NEMP2: variants seen among roughly 807,000 people sequenced by gnomAD.
NEMP2 encodes UPF0571 transmembrane protein.
Under a neutral mutation model 54.2 loss-of-function variants are expected in NEMP2, and 53 were observed. That is an observed-to-expected ratio of 0.98 (90% CI 0.78 to 1.23). The LOEUF (loss-of-function observed/expected upper bound fraction) is 1.23, where lower values mean the gene tolerates loss of function less well. Ranked by LOEUF, NEMP2 falls within the 50% of genes most tolerant of loss-of-function variation. NEMP2 has a pLI of 0.00. For missense variants in NEMP2, 455 were observed against 511.3 expected, an observed-to-expected ratio of 0.89 and a Z score of 1.06; for synonymous variants, 197 against 190.3, an observed-to-expected ratio of 1.04 and a Z score of -0.29.
At chr2:190,628,028 C>G in the NEMP2 span, 1 of 152,378 alleles carries the variant, frequency 6.6e-6, no homozygotes, top group Non-Finnish European at 1.5e-5. This position sits in a 1 kb window ranked among gnomAD's most constrained non-coding sequence, Gnocchi z 4.1. Context: ...AGCAGCCCCC[C>G]GCAGTCCCTC....
the NEMP2 span, among the ~76,000 whole-genome samples, chr2:190,646,467 T>A: frequency 6.6e-6 from 1 of 152,248 alleles, no homozygotes; most frequent in Non-Finnish European, 1.5e-5. Flanking sequence ...ATGCTTCAGT[T>A]CTTTTTGAGC....
chr2:190,595,668 T>G, the NEMP2 span, among the ~76,000 whole-genome samples: 1 of 152,150 alleles, frequency 6.6e-6, no homozygotes, highest in African/African-American at 2.4e-5. The surrounding 1 kb of genome is among the most constrained non-coding windows in gnomAD (Gnocchi z 4.0). Context: ...TCACTGGTCA[T>G]TAGAGAAACG....
At chr2:190,614,634 G>GT in the NEMP2 span, among the ~76,000 whole-genome samples, 1 of 152,156 alleles carries the variant, frequency 6.6e-6, no homozygotes. This position sits in a 1 kb window ranked among gnomAD's most constrained non-coding sequence, Gnocchi z 5.7. Flanking sequence ...TCAAGTTTAC[G>GT]TGATATGAAA....
chr2:190,515,594 T>C (rs1432897702), intron 6 of NEMP2, among the ~76,000 whole-genome samples: 1 of 152,186 alleles, frequency 6.6e-6, no homozygotes, highest in Non-Finnish European at 1.5e-5. Context: ...GAGCATACCA[T>C]GGTATCTGTA....
the NEMP2 span, among the ~76,000 whole-genome samples, chr2:190,573,309 C>T: frequency 1.8e-4 from 27 of 152,116 alleles, 1 homozygote; most frequent in Non-Finnish European, 1.5e-5. Context: ...TCTGTTTTCC[C>T]ATCTTCTATG....
chr2:190,474,535 A>C, the NEMP2 span, among the ~76,000 whole-genome samples: 6 of 152,248 alleles, frequency 3.9e-5, no homozygotes, highest in Non-Finnish European at 1.5e-5. Flanking sequence ...GAATCTCTGA[A>C]TAGACCAATA....
the NEMP2 span, chr2:190,436,466 A>C: frequency 6.2e-7 from 1 of 1,614,164 alleles, no homozygotes; most frequent in South Asian, 1.1e-5. This position sits in a 1 kb window ranked among gnomAD's most constrained non-coding sequence, Gnocchi z 5.3. Flanking sequence ...GTTTTATTCA[A>C]CCTGGGCATT....
Position 190,522,025 on chromosome 2 carries a change from T to G in NEMP2, c.214-2842A>C, listed in dbSNP as rs1690767967. 6.6e-6 allele frequency among the ~76,000 whole-genome samples: 1 copy of G among 152,152 alleles called. No homozygotes were observed. The highest frequency in any genetic ancestry group is 1.5e-5 in the Non-Finnish European group (1 of 68,024). ...TTTGCAAAAAAAGACACAGGAAAGA[T>G]ATACCAGAAACTACTTAAACTGATT... On this transcript the variant is annotated intron_variant, in intron 2 of 8. Transcript: ENST00000409150. The surrounding 1 kb of genome is among the most constrained non-coding windows in gnomAD (Gnocchi z 5.0).
At chr2:190,472,252 T>G in the NEMP2 span, among the ~76,000 whole-genome samples, 1 of 152,108 alleles carries the variant, frequency 6.6e-6, no homozygotes, top group Non-Finnish European at 1.5e-5. Flanking sequence ...ATGACTTTGA[T>G]GAGTTGAGAG....
chr2:190,620,116 C>T, the NEMP2 span, among the ~76,000 whole-genome samples: 1 of 152,194 alleles, frequency 6.6e-6, no homozygotes, highest in African/African-American at 2.4e-5. The surrounding 1 kb of genome is among the most constrained non-coding windows in gnomAD (Gnocchi z 4.9). Context: ...GGGAACTAAG[C>T]TCTCAGTTGG....
At chr2:190,532,640 AGTGT>A (rs1691187006) in intron 1 of NEMP2, among the ~76,000 whole-genome samples, 1 of 152,184 alleles carries the variant, frequency 6.6e-6, no homozygotes, top group Non-Finnish European at 1.5e-5. Context: ...ATTCCATTGA[AGTGT>A]GTGTTATTCA....
At chr2:190,573,875 A>G in the NEMP2 span, among the ~76,000 whole-genome samples, 36 of 152,170 alleles carry the variant, frequency 2.4e-4, 1 homozygote, top group African/African-American at 7.2e-4. Context: ...TATTCATTCA[A>G]TGCCTTCCAT....
the NEMP2 span, among the ~76,000 whole-genome samples, chr2:190,463,456 C>G: frequency 1.3e-4 from 20 of 152,198 alleles, no homozygotes; most frequent in Non-Finnish European, 1.9e-4. The surrounding 1 kb of genome is among the most constrained non-coding windows in gnomAD (Gnocchi z 4.4). Context: ...ACTCTGCCTA[C>G]TCTAGGAAGA....
chr2:190,544,465 G>A, the NEMP2 span, among the ~76,000 whole-genome samples: 4 of 152,160 alleles, frequency 2.6e-5, no homozygotes, highest in South Asian at 8.3e-4. Flanking sequence ...TGAGAGATGT[G>A]GAATTTTTTT....
At chr2:190,427,137 TG>T in the NEMP2 span, among the ~76,000 whole-genome samples, 1 of 152,324 alleles carries the variant, frequency 6.6e-6, no homozygotes, top group Admixed American at 6.5e-5. Flanking sequence ...ATCACCCCAG[TG>T]GGGAAAGGTA....
At chr2:190,547,644 A>G in the NEMP2 span, among the ~76,000 whole-genome samples, 1 of 151,928 alleles carries the variant, frequency 6.6e-6, no homozygotes, top group Non-Finnish European at 1.5e-5. The surrounding 1 kb of genome is among the most constrained non-coding windows in gnomAD (Gnocchi z 6.2). Context: ...TCGTGCTTCA[A>G]CCTCCTGAGT....
the NEMP2 span, among the ~76,000 whole-genome samples, chr2:190,578,088 TTA>T: frequency 6.6e-6 from 1 of 152,334 alleles, no homozygotes; most frequent in Non-Finnish European, 1.5e-5. The surrounding 1 kb of genome is among the most constrained non-coding windows in gnomAD (Gnocchi z 4.4). Context: ...TCATTGTCCT[TTA>T]TATCTTCTGT....
the NEMP2 span, among the ~76,000 whole-genome samples, chr2:190,499,000 T>C: frequency 6.6e-6 from 1 of 151,530 alleles, no homozygotes; most frequent in Non-Finnish European, 1.5e-5. This position sits in a 1 kb window ranked among gnomAD's most constrained non-coding sequence, Gnocchi z 5.9. Flanking sequence ...ATATAAAAAT[T>C]AGCTGGGCAT....
rs1322898855 is a variant in NEMP2 at position 190,522,586 on chromosome 2, C to T, written c.213+2677G>A. ...AATTGGTTCAGGCTATGCCAGGAAG[C>T]AGGGGTTGGACATGCCCCATTATGC... is the stretch of plus-strand genomic sequence containing the variant. On this transcript the variant is annotated intron_variant, in intron 2 of 8. Coordinates refer to ENST00000409150, the MANE Select transcript of NEMP2 (RefSeq NM_001142645.2). This position sits in a 1 kb window ranked among gnomAD's most constrained non-coding sequence, Gnocchi z 5.0. Among the ~76,000 whole-genome samples the T allele has an allele frequency of 6.6e-6, 1 of 152,130 alleles. No homozygotes were observed. Among genetic ancestry groups the T allele is most frequent in the Non-Finnish European group, 1.5e-5 (1 of 68,024 alleles).
Sources: allele counts gnomAD v4.1 joint callset (sites outside exome capture counted in the v4.1 genomes callset), GRCh38; gene constraint gnomAD v4.1.1; non-coding constraint Gnocchi (gnomAD v3.1); transcripts MANE v1.5; gene names NCBI Gene and HGNC (gene_info 2026-07-23, HGNC 2026-07-21).